The following PKHD1 variants were observed in gnomAD, a reference collection of about 807,000 sequenced individuals.
PKHD1 encodes the protein fibrocystin.
A neutral mutation model predicts 412.0 loss-of-function variants in PKHD1; 291 were observed. The ratio of observed to expected loss-of-function variants is 0.71; its 90% CI spans 0.64 to 0.78. PKHD1 has a LOEUF of 0.78. Among genes scored for constraint, PKHD1 ranks in the 30% least tolerant of loss-of-function variants. The pLI, the probability that PKHD1 is intolerant of heterozygous loss-of-function variation, is 0.00. For missense variants in PKHD1, 4,825 were observed against 4,950.7 expected (o/e 0.97, Z 0.76); for synonymous variants, 1,777 against 1,821.5 (o/e 0.98, Z 0.62).
At chr6:52,052,580 C>T (rs115746511) in intron 21 of PKHD1, among the ~76,000 whole-genome samples, 11 of 152,284 alleles carry the variant, frequency 7.2e-5, no homozygotes, top group Non-Finnish European at 1.3e-4. Context: ...ACAGACACTG[C>T]TGAGTTCCTT....
chr6:51,987,901 T>G (rs890575416), intron 35 of PKHD1, among the ~76,000 whole-genome samples: 3 of 152,202 alleles, frequency 2.0e-5, no homozygotes, highest in African/African-American at 7.2e-5. Context: ...ACATAGTCAC[T>G]CTGTGACCTT....
At chr6:52,021,178 T>C (rs566596551) in intron 33 of PKHD1, among the ~76,000 whole-genome samples, 5 of 152,372 alleles carry the variant, frequency 3.3e-5, no homozygotes, top group African/African-American at 1.2e-4. Context: ...CTAGTGGCCA[T>C]ATAAATAGTT....
intron 60 of PKHD1, among the ~76,000 whole-genome samples, chr6:51,675,281 T>C (rs577421161): frequency 1.3e-5 from 2 of 152,280 alleles, no homozygotes; most frequent in Admixed American, 6.5e-5. Flanking sequence ...GAGCGTTCCA[T>C]TTTTCCTTCC....
intron 60 of PKHD1, among the ~76,000 whole-genome samples, chr6:51,690,117 C>T (rs767032945): frequency 7.9e-5 from 12 of 151,528 alleles, no homozygotes; most frequent in Non-Finnish European, 1.6e-4. Context: ...ACTAAAAATA[C>T]AAAAATTAGC....
chr6:51,729,508 C>T (rs1782993389), intron 60 of PKHD1, among the ~76,000 whole-genome samples: 1 of 152,038 alleles, frequency 6.6e-6, no homozygotes, highest in South Asian at 2.1e-4. Context: ...GGGTAAGAGG[C>T]ATGATATATT....
intron 55 of PKHD1, among the ~76,000 whole-genome samples, chr6:51,762,651 AT>A (rs1389079225): frequency 3.2e-4 from 18 of 55,722 alleles, no homozygotes; most frequent in Non-Finnish European, 3.6e-4. Context: ...TTATTCACAT[AT>A]ATATATATAT....
chr6:51,841,320 C>T (rs1324522976), intron 50 of PKHD1, among the ~76,000 whole-genome samples: 1 of 152,216 alleles, frequency 6.6e-6, no homozygotes, highest in African/African-American at 2.4e-5. Context: ...AGCATTAACT[C>T]CTTAACCTGA....
chr6:52,024,866 T>A lies in PKHD1; in HGVS notation c.4944A>T (p.Gly1648=). ...TAAAGGCCTTGTTATAACCAATGAC[T>A]CCTATGTGATACCAAAGTCCATCTA... The part of the protein sequence containing the change: ...IEVDGLWYHI[G]VIGYNKAFTP... The change falls in exon 32 of 67, where the codon GGA becomes GGT. Residue 1648 remains glycine, a synonymous_variant. Coordinates refer to ENST00000371117, the MANE Select transcript of PKHD1 (RefSeq NM_138694.4). The A allele has an allele frequency of 1.2e-6, 2 of 1,614,124 alleles. No homozygotes were observed. Among genetic ancestry groups the A allele is most frequent in the Non-Finnish European group, 1.7e-6 (2 of 1,180,024 alleles).
At chr6:51,935,278 AGAATT>A (rs1017620210) in intron 36 of PKHD1, among the ~76,000 whole-genome samples, 7 of 152,382 alleles carry the variant, frequency 4.6e-5, no homozygotes, top group African/African-American at 1.7e-4. Flanking sequence ...CGTTTATAAT[AGAATT>A]ATTTTGCATT....
chr6:51,748,677 T>G lies in PKHD1; in HGVS notation c.8951-12A>C. 6.2e-7 allele frequency: 1 copy of G among 1,612,844 alleles called. No individual in the cohort carries two copies. The highest frequency in any genetic ancestry group is 8.5e-7 in the Non-Finnish European group (1 of 1,179,138). On this transcript the variant is annotated splice_polypyrimidine_tract_variant and intron_variant, in intron 57 of 66. Coordinates refer to ENST00000371117, the MANE Select transcript of PKHD1 (RefSeq NM_138694.4). ...AAGTTGAAGGACACCTATAAACAAA[T>G]GCATGTCATCAGGTACTTTCCTCTT... is the stretch of plus-strand genomic sequence containing the variant.
chr6:51,641,878 CA>C (rs1363841630), intron 63 of PKHD1, among the ~76,000 whole-genome samples: 2 of 152,036 alleles, frequency 1.3e-5, no homozygotes, highest in Non-Finnish European at 2.9e-5. Flanking sequence ...GGGAACATCA[CA>C]CACTAGGGCC....
chr6:51,874,781 A>AGCCAGGCGTGGTG lies in PKHD1; in HGVS notation c.7351-4143_7351-4142insCACCACGCCTGGC, dbSNP rs1554284717. Among the ~76,000 whole-genome samples the AGCCAGGCGTGGTG allele has an allele frequency of 2.9e-3, 355 of 120,568 alleles. 10 individuals are homozygous for AGCCAGGCGTGGTG. Among genetic ancestry groups the AGCCAGGCGTGGTG allele is most frequent in the East Asian group, 5.4e-3 (7 of 1,288 alleles). The allele number at this position is 120,568 out of a possible 152,430, so 79.1% of individuals were successfully genotyped here. The stretch of plus-strand genomic sequence containing the variant: ...GTCTGTACTAAAAACACAAAAAATG[A>AGCCAGGCGTGGTG]GCTCCGGTCTACAGCTCCCAGCGTG... On this transcript the variant is annotated intron_variant, in intron 46 of 66. Transcript: ENST00000371117.
At position 52,062,447 on chromosome 6, in the gene PKHD1, A is replaced by G. The variant is rs1808814989; in HGVS notation, c.1118+72T>C. On this transcript the variant is annotated intron_variant, in intron 14 of 66. Coordinates refer to ENST00000371117, the MANE Select transcript of PKHD1 (RefSeq NM_138694.4). ...TCCTGGAAATCTTGATACCTTCCTT[A>G]TCTGTCTCCTAGCCTCACCTAGGTT... 4 of 1,462,406 alleles carry G rather than the reference A, an allele frequency of 2.7e-6. No individual in the cohort carries two copies. In the South Asian group the frequency reaches 4.6e-5, roughly 17 times the overall value. 90.6% of individuals were successfully genotyped at this position (1,462,406 alleles called of 1,614,324 possible). A position where few individuals can be genotyped will look rare whatever the true frequency, so the allele number is the denominator to read the frequency against.
Position 51,909,423 on chromosome 6 carries a change from C to T in PKHD1, c.6542G>A (p.Arg2181Lys), listed in dbSNP as rs1562595347. The part of the protein sequence containing the change: ...YSMSEKMLGS[R>K]DMGARVIVQS... ...AACGATCACTCTGGCTCCCATATCC[C>T]TGGATCCTAGCATCTTCTCACTCAT... Residue 2181 changes from arginine (R) to lysine (K), a missense_variant, in exon 40 of 67, where the codon AGG becomes AAG. Arg to Lys is a conservative substitution (Grantham distance 26). Coordinates refer to ENST00000371117, the MANE Select transcript of PKHD1 (RefSeq NM_138694.4). 1.7e-5 allele frequency: 28 copies of T among 1,613,494 alleles called. No homozygotes were observed. The highest frequency in any genetic ancestry group is 2.2e-5 in the East Asian group (1 of 44,848).
chr6:51,964,447 T>C (rs1792513426), intron 35 of PKHD1, among the ~76,000 whole-genome samples: 1 of 152,070 alleles, frequency 6.6e-6, no homozygotes, highest in Non-Finnish European at 1.5e-5. Flanking sequence ...CCTGTAACCA[T>C]TTTCTCCACT....
At chr6:51,670,624 T>A (rs1336667152) in intron 60 of PKHD1, among the ~76,000 whole-genome samples, 1 of 152,086 alleles carries the variant, frequency 6.6e-6, no homozygotes, top group Non-Finnish European at 1.5e-5. Context: ...CGTTAGTTCA[T>A]GCAGTTTCTT....
intron 43 of PKHD1, among the ~76,000 whole-genome samples, chr6:51,890,453 A>G (rs1425150923): frequency 6.6e-6 from 1 of 152,158 alleles, no homozygotes; most frequent in Non-Finnish European, 1.5e-5. Flanking sequence ...TGCAGAAGTC[A>G]ATGTATCATG....
chr6:51,748,553 G>A lies in PKHD1; in HGVS notation c.9063C>T (p.His3021=), dbSNP rs1386956354. The change falls in exon 58 of 67, where the codon CAC becomes CAT. Residue 3021 remains histidine, a synonymous_variant. Coordinates refer to ENST00000371117, the MANE Select transcript of PKHD1 (RefSeq NM_138694.4). Reference sequence around the variant, plus strand: ...CATGAATGCCCCCGCCACAGCTCTGGTGCAGAGTAGATGATATGATCCAGG... The same window carrying A: ...CATGAATGCCCCCGCCACAGCTCTGATGCAGAGTAGATGATATGATCCAGG... ...AGSWIISSTL[H]QSCGGGIHAA... 5.6e-6 allele frequency: 9 copies of A among 1,613,500 alleles called. No individual in the cohort carries two copies. In the African/African-American group the frequency reaches 9.3e-5, roughly 17 times the overall value.
chr6:51,898,211 AT>A (rs1780482189), intron 43 of PKHD1, among the ~76,000 whole-genome samples: 1 of 151,816 alleles, frequency 6.6e-6, no homozygotes, highest in South Asian at 2.1e-4. Context: ...CAGAATATAC[AT>A]TTTTTTCAGC....
Sources: allele counts gnomAD v4.1 joint callset (sites outside exome capture counted in the v4.1 genomes callset), GRCh38; gene constraint gnomAD v4.1.1; transcripts MANE v1.5; gene names NCBI Gene and HGNC (gene_info 2026-07-23, HGNC 2026-07-21).